Variants in TCF12 observed in about 807,000 individuals in gnomAD.
TCF12 encodes transcription factor 12.
Under a neutral mutation model 86.0 loss-of-function variants are expected in TCF12, and 45 were observed. The ratio of observed to expected loss-of-function variants is 0.52; its 90% CI spans 0.41 to 0.67. The LOEUF (loss-of-function observed/expected upper bound fraction) is 0.67. Among genes scored for constraint, TCF12 ranks in the 30% least tolerant of loss-of-function variants. The pLI is 0.00. For synonymous variants in TCF12, 330 were observed against 299.6 expected (o/e 1.10, Z -1.05); for missense variants, 881 against 859.9 (o/e 1.02, Z -0.31).
At position 57,225,220 on chromosome 15, in the gene TCF12, CT is replaced by C. The variant is rs139530756; in HGVS notation, c.580-5901del. Among the ~76,000 whole-genome samples the C allele has an allele frequency of 2.0e-3, 80 of 39,752 alleles. 2 individuals carry two copies. The highest frequency in any genetic ancestry group is 7.3e-3 in the African/African-American group (70 of 9,636). The allele number at this position is 39,752 out of a possible 152,430, so 26.1% of individuals were successfully genotyped here. A position where few individuals can be genotyped will look rare whatever the true frequency, so the allele number is the denominator to read the frequency against. On this transcript the variant is annotated intron_variant, in intron 8 of 20. Transcript: ENST00000333725. ...TTACCATTTAGGTTACTGATATATGCTTTTTTTTTTTTTTTTTTTTTTTTTT... is the reference window on the plus strand; with the variant it reads ...TTACCATTTAGGTTACTGATATATGCTTTTTTTTTTTTTTTTTTTTTTTTT...
intron 3 of TCF12, among the ~76,000 whole-genome samples, chr15:57,058,168 G>A (rs932594306): frequency 1.3e-5 from 2 of 152,094 alleles, no homozygotes; most frequent in Non-Finnish European, 2.9e-5. Flanking sequence ...GTCGACCCCT[G>A]GGAACGTATT....
At chr15:57,270,431 T>C (rs6493909) in intron 18 of TCF12, among the ~76,000 whole-genome samples, 122,211 of 152,096 alleles carry the variant, frequency 0.8, 49,485 homozygotes, top group African/African-American at 0.9. Context: ...GTCTTCTCTA[T>C]GCTGGATATT....
intron 6 of TCF12, among the ~76,000 whole-genome samples, chr15:57,191,610 T>G (rs1472934669): frequency 1.3e-5 from 2 of 152,166 alleles, no homozygotes; most frequent in Admixed American, 6.5e-5. Flanking sequence ...GTCTTTCAAC[T>G]CTAAGATTTT....
At chr15:57,212,823 C>T (rs1010053190) in intron 8 of TCF12, among the ~76,000 whole-genome samples, 1 of 152,120 alleles carries the variant, frequency 6.6e-6, no homozygotes, top group African/African-American at 2.4e-5. Context: ...GCTCTCTTGC[C>T]TCCTGAGAGG....
chr15:57,133,627 T>TTG (rs1567489139), intron 5 of TCF12, among the ~76,000 whole-genome samples: 1 of 148,150 alleles, frequency 6.7e-6, no homozygotes, highest in African/African-American at 2.6e-5. Flanking sequence ...GTAATGTGTT[T>TTG]TTTTTTTTTT....
intron 3 of TCF12, among the ~76,000 whole-genome samples, chr15:57,008,051 C>G (rs8037322): frequency 0.086 from 13,020 of 151,630 alleles, 711 homozygotes; most frequent in South Asian, 0.17. Flanking sequence ...ATCTTGAACT[C>G]CTGGGCTCAA....
Position 57,166,442 on chromosome 15 carries a change from A to C in TCF12, c.366A>C (p.Arg122Ser). 6.2e-7 allele frequency: 1 copy of C among 1,612,828 alleles called. No individual in the cohort carries two copies. The highest frequency in any genetic ancestry group is 8.5e-7 in the Non-Finnish European group (1 of 1,179,546). Residue 122 changes from arginine to serine, a missense_variant, in exon 6 of 21, where the codon AGA (arginine) becomes AGC (serine). Arg to Ser is a moderately radical substitution (Grantham distance 110, BLOSUM62 -1). Coordinates refer to ENST00000333725, the MANE Select transcript of TCF12 (RefSeq NM_207037.2). ...GAGGCTCATTTTCCCTGTACAGCAG[A>C]GATACTGGATTACCAGGCTGTCAAG... ...SERGSFSLYS[R>S]DTGLPGCQSS...
In TCF12 at chr15:57,007,822, T is replaced by C. The variant is rs796260141; in HGVS notation, c.149-55928T>C. ...TCTTTCTTTCTTTCTTTCTTTCTTTTTCTTTCTTTCTTTCTTTCTCTCTTT... is the reference window on the plus strand; with the variant it reads ...TCTTTCTTTCTTTCTTTCTTTCTTTCTCTTTCTTTCTTTCTTTCTCTCTTT... On this transcript the variant is annotated intron_variant, in intron 3 of 20. Coordinates refer to ENST00000333725, the MANE Select transcript of TCF12 (RefSeq NM_207037.2). Among the ~76,000 whole-genome samples, 635 of 118,964 alleles carry C rather than the reference T, an allele frequency of 5.3e-3. 9 individuals are homozygous for C. The highest frequency in any genetic ancestry group is 6.6e-3 in the Non-Finnish European group (363 of 55,374). 78.0% of individuals were successfully genotyped at this position (118,964 alleles called of 152,430 possible).
intron 3 of TCF12, among the ~76,000 whole-genome samples, chr15:57,014,324 T>G (rs776657835): frequency 6.6e-5 from 10 of 152,046 alleles, no homozygotes; most frequent in Non-Finnish European, 1.0e-4. Flanking sequence ...CACTCTACAG[T>G]GGGCTGTTAG....
chr15:57,005,863 CT>C (rs1233955833), intron 3 of TCF12, among the ~76,000 whole-genome samples: 1 of 152,204 alleles, frequency 6.6e-6, no homozygotes. Context: ...AGCTACCACC[CT>C]CAGTCTGAGT....
intron 5 of TCF12, among the ~76,000 whole-genome samples, chr15:57,123,125 T>C (rs1225327927): frequency 2.0e-5 from 3 of 152,248 alleles, no homozygotes; most frequent in African/African-American, 7.2e-5. Context: ...TGTGTGTTTC[T>C]TTCTTGTTAA....
intron 10 of TCF12, 29 bp from the exon 11 acceptor site, chr15:57,232,683 T>C: frequency 1.3e-6 from 2 of 1,597,298 alleles, no homozygotes; most frequent in Non-Finnish European, 1.7e-6. Context: ...AGAAAATATA[T>C]TTAATAGATC....
Position 57,225,052 on chromosome 15 carries a change from A to G in TCF12, c.580-6100A>G, listed in dbSNP as rs1170932846. On this transcript the variant is annotated intron_variant, in intron 8 of 20. Coordinates refer to ENST00000333725, the MANE Select transcript of TCF12 (RefSeq NM_207037.2). ...GTCATTTGTTGAAATATTCTTAGAT[A>G]TTAGGGAATTATTGAATTAGACTAT... 2.6e-5 allele frequency among the ~76,000 whole-genome samples: 4 copies of G among 152,202 alleles called. No individual in the cohort carries two copies. In the South Asian group the frequency reaches 6.2e-4, roughly 24 times the overall value.
chr15:56,967,224 A>G (rs1320486089), intron 3 of TCF12, among the ~76,000 whole-genome samples: 6 of 152,128 alleles, frequency 3.9e-5, no homozygotes, highest in Admixed American at 6.5e-5. Context: ...GGATTAAATT[A>G]TAATATACCT....
chr15:56,990,253 G>C (rs72749478), intron 3 of TCF12, among the ~76,000 whole-genome samples: 27,013 of 139,450 alleles, frequency 0.19, 2,918 homozygotes, highest in Non-Finnish European at 0.24. Flanking sequence ...GTGTGTGCGT[G>C]TGCGTGTGTG....
intron 3 of TCF12, among the ~76,000 whole-genome samples, chr15:56,962,055 C>G (rs1296567124): frequency 6.6e-6 from 1 of 150,518 alleles, no homozygotes; most frequent in Non-Finnish European, 1.5e-5. Flanking sequence ...ATGGCGTGAA[C>G]CCGGGAGGCG....
In TCF12 at chr15:56,919,879, T is replaced by C; in HGVS notation, c.-22-13T>C. 1 of 1,612,720 alleles carries C rather than the reference T, an allele frequency of 6.2e-7. No homozygotes were observed. The highest frequency in any genetic ancestry group is 8.5e-7 in the Non-Finnish European group (1 of 1,179,128). ...TCGGTGGTCTCTCGCTGAGCCCGTT[T>C]CCTCTGCCCTAGGACCTGCTAGAAG... On this transcript the variant is annotated splice_polypyrimidine_tract_variant and intron_variant, in intron 1 of 20. Coordinates refer to ENST00000333725, the MANE Select transcript of TCF12 (RefSeq NM_207037.2).
At chr15:57,070,470 G>T (rs1459887773) in intron 4 of TCF12, among the ~76,000 whole-genome samples, 1 of 152,082 alleles carries the variant, frequency 6.6e-6, no homozygotes, top group Non-Finnish European at 1.5e-5. Context: ...CTTGGGATAA[G>T]GGAAACAAAA....
chr15:57,037,157 A>C (rs1233352659), intron 3 of TCF12, among the ~76,000 whole-genome samples: 3 of 152,214 alleles, frequency 2.0e-5, no homozygotes, highest in Non-Finnish European at 2.9e-5. Flanking sequence ...TTTAAAAAGT[A>C]GTATAAGGGG....
Sources: allele counts gnomAD v4.1 joint callset (sites outside exome capture counted in the v4.1 genomes callset), GRCh38; gene constraint gnomAD v4.1.1; transcripts MANE v1.5; gene names NCBI Gene and HGNC (gene_info 2026-07-23, HGNC 2026-07-21).